The following CHST9 variants were observed in gnomAD, a reference collection of about 807,000 sequenced individuals.
CHST9 encodes the protein GalNAc-4-sulfotransferase 2.
In CHST9, 41 loss-of-function variants were observed where a neutral mutation model predicts 44.4. The observed-to-expected ratio is 0.92, with a 90% CI of 0.72 to 1.20. The LOEUF (loss-of-function observed/expected upper bound fraction) is 1.20. CHST9 is among the 50% of genes most tolerant of loss of function. The pLI is 0.00. For missense variants in CHST9, 504 were observed against 516.5 expected (o/e 0.98, Z 0.23); for synonymous variants, 171 against 178.4 (o/e 0.96, Z 0.33).
intron 4 of CHST9, among the ~76,000 whole-genome samples, chr18:26,954,317 T>C (rs1329367597): frequency 2.0e-5 from 3 of 152,164 alleles, no homozygotes; most frequent in African/African-American, 7.2e-5. Flanking sequence ...CAGGACAGTG[T>C]GTCAGTGTCT....
intron 3 of CHST9, among the ~76,000 whole-genome samples, chr18:27,047,847 A>G (rs2143558528): frequency 6.6e-6 from 1 of 152,308 alleles, no homozygotes; most frequent in East Asian, 1.9e-4. Context: ...GACTTGGTAA[A>G]TGAAAATCTA....
chr18:26,942,520 G>A (rs1457308617), intron 5 of CHST9, among the ~76,000 whole-genome samples: 10 of 151,966 alleles, frequency 6.6e-5, no homozygotes, highest in Admixed American at 5.9e-4. Context: ...TTCTATTTTG[G>A]TGTCTACATA....
intron 4 of CHST9, among the ~76,000 whole-genome samples, chr18:26,961,256 A>G (rs2056395052): frequency 6.6e-6 from 1 of 152,250 alleles, no homozygotes; most frequent in Non-Finnish European, 1.5e-5. Flanking sequence ...GTAAGGCTAG[A>G]GAACAATACC....
At chr18:27,164,812 A>G (rs1351082566) in intron 1 of CHST9, among the ~76,000 whole-genome samples, 1 of 152,240 alleles carries the variant, frequency 6.6e-6, no homozygotes, top group Non-Finnish European at 1.5e-5. Flanking sequence ...AAGGCAATGG[A>G]GCAAGAATGC....
chr18:27,015,702 C>T lies in CHST9; in HGVS notation c.202+8414G>A, dbSNP rs1157613779. Among the ~76,000 whole-genome samples the T allele has an allele frequency of 2.6e-5, 4 of 152,156 alleles. No homozygotes were observed. In the East Asian group the frequency reaches 7.7e-4, roughly 29 times the overall value. On this transcript the variant is annotated intron_variant, in intron 4 of 5. Transcript: ENST00000618847. ...TAGGCTGACCAAAGGGTAGAGGATT[C>T]CACACATGGTTTCAGGCCTTCTTTT...
rs577114035 is a variant in CHST9 at position 27,109,667 on chromosome 18, A to AGCTGCTT, written c.121+33015_121+33021dup. ...GCCAGATCTAATTGGTGCTGACGCCAGCTGCTTGACTCCCATCACGATCTA... is the reference window on the plus strand; with the variant it reads ...GCCAGATCTAATTGGTGCTGACGCCAGCTGCTTGCTGCTTGACTCCCATCACGATCTA... On this transcript the variant is annotated intron_variant, in intron 2 of 5. Transcript: ENST00000618847. Among the ~76,000 whole-genome samples, 54 of 152,330 alleles carry AGCTGCTT rather than the reference A, an allele frequency of 3.5e-4. 1 individual carries two copies. In the South Asian group the frequency reaches 9.3e-3, roughly 26 times the overall value.
At chr18:27,083,458 T>C (rs66678826) in intron 2 of CHST9, among the ~76,000 whole-genome samples, 14,469 of 152,182 alleles carry the variant, frequency 0.095, 703 homozygotes, top group East Asian at 0.14. Flanking sequence ...TGTCTTTTCA[T>C]AAGATAAATT....
chr18:26,911,006 C>T lies in CHST9; in HGVS notation c.*5253G>A, dbSNP rs1308899118. ...TATTTCTTAGAAATGTAAAAGATTTCTGTGTCTGCAACTATCCTTCAGGTC... is the reference window on the plus strand; with the variant it reads ...TATTTCTTAGAAATGTAAAAGATTTTTGTGTCTGCAACTATCCTTCAGGTC... On this transcript the variant is annotated 3_prime_UTR_variant, in exon 6 of 6. Transcript: ENST00000618847. 2.0e-5 allele frequency: 3 copies of T among 152,168 alleles called. No homozygotes were observed. The highest frequency in any genetic ancestry group is 4.4e-5 in the Non-Finnish European group (3 of 68,034). The allele number at this position is 152,168 out of a possible 1,614,324, so 9.4% of individuals were successfully genotyped here.
chr18:27,144,766 T>C (rs2058597962), intron 1 of CHST9, among the ~76,000 whole-genome samples: 1 of 151,926 alleles, frequency 6.6e-6, no homozygotes, highest in Non-Finnish European at 1.5e-5. Flanking sequence ...ACATTTAACT[T>C]TGTGGTGATA....
chr18:26,978,156 CAG>C (rs2056647161), intron 4 of CHST9, among the ~76,000 whole-genome samples: 1 of 148,516 alleles, frequency 6.7e-6, no homozygotes, highest in African/African-American at 2.5e-5. Context: ...TGCAATAAAA[CAG>C]AAATTCATAA....
At chr18:26,972,396 A>G (rs1421833681) in intron 4 of CHST9, among the ~76,000 whole-genome samples, 1 of 149,000 alleles carries the variant, frequency 6.7e-6, no homozygotes, top group Non-Finnish European at 1.5e-5. Context: ...GAAAAAATAG[A>G]TGGTGACATT....
intron 2 of CHST9, among the ~76,000 whole-genome samples, chr18:27,060,990 C>T (rs1026647213): frequency 3.9e-5 from 6 of 152,202 alleles, no homozygotes; most frequent in Admixed American, 6.5e-5. Context: ...TAAAAAGACA[C>T]GCATGGGAGA....
chr18:27,020,796 G>A (rs774571850), intron 4 of CHST9, among the ~76,000 whole-genome samples: 4 of 152,132 alleles, frequency 2.6e-5, no homozygotes, highest in Non-Finnish European at 5.9e-5. Flanking sequence ...CTCTCTCGGA[G>A]GTAAGTTTAG....
intron 4 of CHST9, among the ~76,000 whole-genome samples, chr18:27,000,949 A>T (rs1373902541): frequency 3.3e-5 from 5 of 152,158 alleles, no homozygotes; most frequent in African/African-American, 4.8e-5. Context: ...AACAAACGGA[A>T]GTTCTAATCA....
At chr18:27,142,404 C>T (rs549805456) in intron 2 of CHST9, among the ~76,000 whole-genome samples, 2 of 152,142 alleles carry the variant, frequency 1.3e-5, no homozygotes, top group South Asian at 4.1e-4. Context: ...AAATGCTATA[C>T]TTTTGGAGAC....
chr18:27,145,172 C>G (rs1300089074), intron 1 of CHST9, among the ~76,000 whole-genome samples: 2 of 151,542 alleles, frequency 1.3e-5, no homozygotes, highest in South Asian at 4.2e-4. Flanking sequence ...TACTTCTTTT[C>G]CGTTTGTTTG....
At chr18:27,132,363 G>A (rs772496725) in intron 2 of CHST9, among the ~76,000 whole-genome samples, 5 of 152,108 alleles carry the variant, frequency 3.3e-5, no homozygotes, top group African/African-American at 7.2e-5. Flanking sequence ...ACACATTTCT[G>A]ACCTCAACGA....
At chr18:27,029,852 G>A (rs1454954967) in intron 3 of CHST9, among the ~76,000 whole-genome samples, 2 of 152,172 alleles carry the variant, frequency 1.3e-5, no homozygotes, top group Non-Finnish European at 2.9e-5. Context: ...AGGGCTGATT[G>A]TAATTTGAAT....
intron 2 of CHST9, among the ~76,000 whole-genome samples, chr18:27,122,308 A>T (rs1180821430): frequency 6.6e-6 from 1 of 152,240 alleles, no homozygotes. Context: ...CTTAATAAAA[A>T]TGCTGTTCTT....
Sources: allele counts gnomAD v4.1 joint callset (sites outside exome capture counted in the v4.1 genomes callset), GRCh38; gene constraint gnomAD v4.1.1; transcripts MANE v1.5; gene names NCBI Gene and HGNC (gene_info 2026-07-23, HGNC 2026-07-21).